Variants in ST3GAL3 observed in about 807,000 individuals in gnomAD.
The protein encoded by ST3GAL3 is CMP-N-acetylneuraminate-beta-1,4-galactoside alpha-2,3-sialyltransferase.
ST3GAL3 carries 21 observed loss-of-function variants against 50.1 expected under a neutral mutation model. The observed-to-expected ratio is 0.42, with a 90% CI of 0.30 to 0.60. The LOEUF (loss-of-function observed/expected upper bound fraction) is 0.60. Among genes scored for constraint, ST3GAL3 ranks in the 20% least tolerant of loss-of-function variants. The pLI is 0.19. For synonymous variants in ST3GAL3, 183 were observed against 190.0 expected (o/e 0.96, Z 0.30); for missense variants, 353 against 489.4 (o/e 0.72, Z 2.63).
intron 2 of ST3GAL3, among the ~76,000 whole-genome samples, chr1:43,749,383 A>G (rs970434863): frequency 1.3e-5 from 2 of 152,234 alleles, no homozygotes. Context: ...CATGCTGGGA[A>G]AAATATTGAC....
intron 1 of ST3GAL3, among the ~76,000 whole-genome samples, chr1:43,718,749 G>A (rs995093536): frequency 1.5e-5 from 2 of 134,804 alleles, no homozygotes; most frequent in Non-Finnish European, 3.1e-5. Flanking sequence ...GTGCAGTGGA[G>A]TGATCTTGAC....
intron 5 of ST3GAL3, among the ~76,000 whole-genome samples, chr1:43,856,942 G>A (rs2068511769): frequency 6.7e-6 from 1 of 150,234 alleles, no homozygotes; most frequent in Admixed American, 6.6e-5. Flanking sequence ...GAAGTTGTGG[G>A]ATTTTTTTTT....
chr1:43,819,817 AT>A (rs2061859151), intron 4 of ST3GAL3, among the ~76,000 whole-genome samples: 1 of 152,136 alleles, frequency 6.6e-6, no homozygotes, highest in African/African-American at 2.4e-5. Flanking sequence ...TCTTATTTTT[AT>A]GTCCATGTGT....
At chr1:43,817,328 TCTTC>T (rs918585707) in intron 4 of ST3GAL3, among the ~76,000 whole-genome samples, 11 of 148,958 alleles carry the variant, frequency 7.4e-5, no homozygotes, top group African/African-American at 2.8e-4. Flanking sequence ...TGCTTCTTCT[TCTTC>T]CTTCTTCCTT....
chr1:43,909,272 C>T (rs975368909), intron 9 of ST3GAL3, among the ~76,000 whole-genome samples: 1 of 152,212 alleles, frequency 6.6e-6, no homozygotes, highest in African/African-American at 2.4e-5. Context: ...CTTTCATTGC[C>T]CTGGAAGGTC....
chr1:43,709,896 A>C (rs954272108), intron 1 of ST3GAL3, among the ~76,000 whole-genome samples: 1 of 152,150 alleles, frequency 6.6e-6, no homozygotes, highest in African/African-American at 2.4e-5. Flanking sequence ...AAGTGTTGAG[A>C]ATATATGCGT....
chr1:43,766,204 A>G (rs1434617580), intron 2 of ST3GAL3, among the ~76,000 whole-genome samples: 1 of 152,174 alleles, frequency 6.6e-6, no homozygotes, highest in Non-Finnish European at 1.5e-5. Context: ...AGAGATATCA[A>G]TGACTTCTTC....
At chr1:43,720,099 T>G (rs1188450904) in intron 1 of ST3GAL3, among the ~76,000 whole-genome samples, 1 of 151,940 alleles carries the variant, frequency 6.6e-6, no homozygotes, top group Non-Finnish European at 1.5e-5. Context: ...AATAATTGGC[T>G]AGGCATGTAG....
Position 43,766,217 on chromosome 1 carries a change from T to A in ST3GAL3, c.119-25885T>A, listed in dbSNP as rs111576330. ...GGAGAGATATCAATGACTTCTTCTGTCAGTCTATGAGGATTACTGCTGACT... is the reference window on the plus strand; with the variant it reads ...GGAGAGATATCAATGACTTCTTCTGACAGTCTATGAGGATTACTGCTGACT... On this transcript the variant is annotated intron_variant, in intron 2 of 11. Coordinates refer to ENST00000347631, the MANE Select transcript of ST3GAL3 (RefSeq NM_006279.5). 4.0e-3 allele frequency among the ~76,000 whole-genome samples: 604 copies of A among 152,198 alleles called. 5 individuals carry two copies. Among genetic ancestry groups the A allele is most frequent in the South Asian group, 0.013 (61 of 4,812 alleles).
intron 4 of ST3GAL3, among the ~76,000 whole-genome samples, chr1:43,822,243 C>T (rs1397230786): frequency 6.6e-6 from 1 of 152,172 alleles, no homozygotes; most frequent in African/African-American, 2.4e-5. Context: ...CATCTGGATT[C>T]CTTGAAGGAG....
chr1:43,824,705 GA>G (rs2062555598), intron 4 of ST3GAL3: 2 of 1,613,822 alleles, frequency 1.2e-6, no homozygotes, highest in Middle Eastern at 1.7e-4. Context: ...GATCAAGACT[GA>G]AAAAGCCAAA....
intron 4 of ST3GAL3, among the ~76,000 whole-genome samples, chr1:43,817,879 C>CCTCCTTCTT (rs1193696762): frequency 6.7e-6 from 1 of 149,368 alleles, no homozygotes; most frequent in Non-Finnish European, 1.5e-5. Flanking sequence ...TCCTCCTCCT[C>CCTCCTTCTT]CTCCTTCTTT....
chr1:43,736,774 A>C (rs970546748), intron 2 of ST3GAL3: 1 of 312,248 alleles, frequency 3.2e-6, no homozygotes, highest in Non-Finnish European at 6.2e-6. Flanking sequence ...CCCTTAAAAC[A>C]TTCATCTTTA....
intron 2 of ST3GAL3, among the ~76,000 whole-genome samples, chr1:43,787,879 AT>A (rs1278718932): frequency 1.3e-5 from 2 of 152,200 alleles, no homozygotes; most frequent in African/African-American, 4.8e-5. Context: ...TTAGACTGAT[AT>A]TGTTGGGGTA....
intron 2 of ST3GAL3, among the ~76,000 whole-genome samples, chr1:43,785,137 A>G (rs1251283521): frequency 6.6e-6 from 1 of 152,122 alleles, no homozygotes. Flanking sequence ...TCCCTCCAGG[A>G]TCTAAACAGT....
At chr1:43,826,910 A>T (rs1191233945) in intron 4 of ST3GAL3, among the ~76,000 whole-genome samples, 1 of 152,176 alleles carries the variant, frequency 6.6e-6, no homozygotes, top group Non-Finnish European at 1.5e-5. Context: ...CATGATTTTT[A>T]AAAAAACTAT....
intron 5 of ST3GAL3, among the ~76,000 whole-genome samples, chr1:43,855,336 G>A (rs1489623612): frequency 2.0e-5 from 3 of 152,148 alleles, no homozygotes; most frequent in African/African-American, 4.8e-5. Context: ...TCAGCCAGGC[G>A]CAGTGGCTCA....
At chr1:43,739,862 T>G (rs1313127229) in intron 2 of ST3GAL3, among the ~76,000 whole-genome samples, 3 of 152,210 alleles carry the variant, frequency 2.0e-5, no homozygotes, top group Admixed American at 2.0e-4. Flanking sequence ...AGTCAAATGC[T>G]TAATGTGAAA....
intron 4 of ST3GAL3, among the ~76,000 whole-genome samples, chr1:43,830,231 G>T (rs1233126040): frequency 6.6e-6 from 1 of 151,694 alleles, no homozygotes; most frequent in East Asian, 1.9e-4. Context: ...TAGAGATAAG[G>T]TCTCCCTATG....
Sources: gnomAD v4.1 joint callset for allele counts (sites outside exome capture counted in the v4.1 genomes callset) on GRCh38, gnomAD v4.1.1 for gene constraint, MANE v1.5 for transcripts, NCBI Gene and HGNC (gene_info 2026-07-23, HGNC 2026-07-21) for gene names.